The following RYR2 variants were observed in gnomAD, a reference collection of about 807,000 sequenced individuals.
RYR2 encodes the protein cardiac muscle ryanodine receptor-calcium release channel.
RYR2 carries 227 observed loss-of-function variants against 601.1 expected under a neutral mutation model. The ratio of observed to expected loss-of-function variants is 0.38; its 90% CI spans 0.34 to 0.42. The LOEUF (loss-of-function observed/expected upper bound fraction) is 0.42, where lower values mean the gene tolerates loss of function less well. RYR2 is among the 10% of genes least tolerant of loss of function. RYR2 has a pLI of 1.00. For synonymous variants in RYR2, 2,223 were observed against 2,175.1 expected, an observed-to-expected ratio of 1.02 and a Z score of -0.61; for missense variants, 4,646 against 6,156.5, an observed-to-expected ratio of 0.75 and a Z score of 8.21.
intron 1 of RYR2, among the ~76,000 whole-genome samples, chr1:237,122,174 G>A (rs535144587): frequency 1.3e-5 from 2 of 152,234 alleles, no homozygotes; most frequent in Admixed American, 6.5e-5. Context: ...CGGGGATGCC[G>A]AGGGGAATGA....
chr1:237,296,874 T>C (rs1391015961), intron 2 of RYR2, among the ~76,000 whole-genome samples: 1 of 152,204 alleles, frequency 6.6e-6, no homozygotes, highest in Non-Finnish European at 1.5e-5. Context: ...GGAATCCTTA[T>C]TGTCTAAATA....
chr1:237,126,186 G>A lies in RYR2; in HGVS notation c.48+83617G>A, dbSNP rs372317048. ...AGGGAGGCAGAGGTTGCAGTGAGCCGAGATCATGCCACTGTACTCCAGCCT... is the reference window on the plus strand; with the variant it reads ...AGGGAGGCAGAGGTTGCAGTGAGCCAAGATCATGCCACTGTACTCCAGCCT... On this transcript the variant is annotated intron_variant, in intron 1 of 104. Coordinates refer to ENST00000366574, the MANE Select transcript of RYR2 (RefSeq NM_001035.3). 8.2e-4 allele frequency among the ~76,000 whole-genome samples: 124 copies of A among 150,850 alleles called. 1 individual carries two copies. The highest frequency in any genetic ancestry group is 2.9e-3 in the African/African-American group (119 of 41,080).
At chr1:237,055,170 G>T (rs1189003571) in intron 1 of RYR2, among the ~76,000 whole-genome samples, 1 of 152,166 alleles carries the variant, frequency 6.6e-6, no homozygotes, top group African/African-American at 2.4e-5. Context: ...TGATGCGAAG[G>T]CGGGAAGCAC....
chr1:237,550,729 A>T, intron 27 of RYR2, 38 bp downstream of exon 27: 2 of 1,528,892 alleles, frequency 1.3e-6, no homozygotes. Context: ...CGGTTGCAAG[A>T]TGATGTAGTA....
chr1:237,560,341 G>A lies in RYR2; in HGVS notation c.3215-6226G>A, dbSNP rs190549486. On this transcript the variant is annotated intron_variant, in intron 27 of 104. Coordinates refer to ENST00000366574, the MANE Select transcript of RYR2 (RefSeq NM_001035.3). ...CAGATGATTTTCAACAAATGTCCTT[G>A]GAGAAACAACTATTTGCACTGGGCA... Among the ~76,000 whole-genome samples the A allele has an allele frequency of 2.8e-4, 42 of 152,332 alleles. 1 individual carries two copies. The East Asian group carries it at 7.3e-3, about 27-fold the overall frequency.
chr1:237,646,966 A>G (rs972272681), intron 48 of RYR2, among the ~76,000 whole-genome samples: 1 of 152,186 alleles, frequency 6.6e-6, no homozygotes, highest in East Asian at 1.9e-4. Flanking sequence ...ATTAGAAACA[A>G]TGTCTGCTTG....
Position 237,756,371 on chromosome 1 carries a change from A to T in RYR2, c.11229A>T (p.Thr3743=). 6.2e-7 allele frequency: 1 copy of T among 1,611,428 alleles called. No individual in the cohort carries two copies. Among genetic ancestry groups the T allele is most frequent in the East Asian group, 2.2e-5 (1 of 44,854 alleles). The change falls in exon 81 of 105, where the codon ACA becomes ACT. Residue 3743 remains threonine, a synonymous_variant. Transcript: ENST00000366574. The part of the protein sequence containing the change: ...DRGAAEMVLQ[T]ISASKGETGP... ...GCGCGGCTGAGATGGTGCTACAGAC[A>T]ATCAGTGCCAGCAAAGGTAAGGTTC...
intron 1 of RYR2, among the ~76,000 whole-genome samples, chr1:237,213,022 T>G (rs1055720367): frequency 5.9e-5 from 9 of 152,290 alleles, no homozygotes; most frequent in Admixed American, 4.6e-4. Flanking sequence ...TCCACCCACC[T>G]TGGTCTCTCA....
chr1:237,605,642 T>C (rs1261183131), intron 35 of RYR2, among the ~76,000 whole-genome samples: 1 of 152,038 alleles, frequency 6.6e-6, no homozygotes, highest in Non-Finnish European at 1.5e-5. Context: ...TGTTTGCAGA[T>C]GACATAATTG....
chr1:237,176,729 C>T (rs1031712196), intron 1 of RYR2, among the ~76,000 whole-genome samples: 1 of 152,100 alleles, frequency 6.6e-6, no homozygotes, highest in Non-Finnish European at 1.5e-5. Flanking sequence ...AAATGTTTAA[C>T]ATTTCAGGTG....
intron 17 of RYR2, among the ~76,000 whole-genome samples, chr1:237,481,927 G>A (rs1417856576): frequency 6.6e-6 from 1 of 151,112 alleles, no homozygotes; most frequent in Admixed American, 6.6e-5. Context: ...TCATTTGCAT[G>A]TTTTTCTTTT....
chr1:237,407,798 A>G (rs935984921), intron 10 of RYR2, among the ~76,000 whole-genome samples: 2 of 151,526 alleles, frequency 1.3e-5, no homozygotes, highest in Admixed American at 1.3e-4. Flanking sequence ...TTGTGTTTTT[A>G]GTAGAGATGG....
At chr1:237,101,818 T>C (rs897272769) in intron 1 of RYR2, among the ~76,000 whole-genome samples, 1 of 152,252 alleles carries the variant, frequency 6.6e-6, no homozygotes, top group Non-Finnish European at 1.5e-5. Context: ...TTTCTGTTTT[T>C]CACTTTTTCA....
At chr1:237,729,176 C>T (rs1032159421) in intron 76 of RYR2, among the ~76,000 whole-genome samples, 2 of 152,102 alleles carry the variant, frequency 1.3e-5, no homozygotes, top group African/African-American at 4.8e-5. Flanking sequence ...CTTCCATCCT[C>T]TCCAAAATGT....
intron 84 of RYR2, among the ~76,000 whole-genome samples, chr1:237,766,999 A>T (rs1246072400): frequency 6.6e-6 from 1 of 151,962 alleles, no homozygotes; most frequent in Non-Finnish European, 1.5e-5. Flanking sequence ...ATTTGACCTA[A>T]GGCTTCACAT....
chr1:237,459,796 TGGGTATGAACAC>T lies in RYR2; in HGVS notation c.1612+3064_1612+3075del, dbSNP rs2150246084. On this transcript the variant is annotated intron_variant, in intron 16 of 104. Coordinates refer to ENST00000366574, the MANE Select transcript of RYR2 (RefSeq NM_001035.3). The stretch of plus-strand genomic sequence containing the variant: ...ACTTTACAAAATGTTGGGGACTTGG[TGGGTATGAACAC>T]GGTTCCTGCTCCTAATTAGTTTTGA... Among the ~76,000 whole-genome samples the T allele has an allele frequency of 1.3e-5, 2 of 152,314 alleles. 1 individual carries two copies. Among genetic ancestry groups the T allele is most frequent in the Non-Finnish European group, 2.9e-5 (2 of 68,026 alleles).
chr1:237,493,213 T>C, intron 19 of RYR2, 126 bp downstream of exon 19: 1 of 1,033,616 alleles, frequency 9.7e-7, no homozygotes, highest in Non-Finnish European at 1.4e-6. Flanking sequence ...TTCTGTATTT[T>C]TGCAGTGAAT....
intron 27 of RYR2, among the ~76,000 whole-genome samples, chr1:237,552,666 T>C (rs1670520914): frequency 2.0e-5 from 3 of 152,052 alleles, no homozygotes; most frequent in Non-Finnish European, 1.5e-5. Flanking sequence ...GTTTCTTTTG[T>C]TCATCATGAT....
intron 1 of RYR2, among the ~76,000 whole-genome samples, chr1:237,155,159 T>C (rs1022383619): frequency 6.9e-6 from 1 of 145,582 alleles, no homozygotes; most frequent in Admixed American, 7.4e-5. Flanking sequence ...AATAATGGTA[T>C]ATATATATTT....
Sources: allele counts gnomAD v4.1 joint callset (sites outside exome capture counted in the v4.1 genomes callset), GRCh38; gene constraint gnomAD v4.1.1; transcripts MANE v1.5; gene names NCBI Gene and HGNC (gene_info 2026-07-23, HGNC 2026-07-21).